Variants in CELSR1 observed in about 807,000 individuals in gnomAD.
CELSR1 encodes adhesion G protein-coupled receptor C1.
A neutral mutation model predicts 249.1 loss-of-function variants in CELSR1; 110 were observed. The observed-to-expected ratio is 0.44, with a 90% confidence interval of 0.38 to 0.52. The LOEUF (loss-of-function observed/expected upper bound fraction) is 0.52. Ranked by LOEUF, CELSR1 falls within the 20% of genes least tolerant of loss-of-function variation. The pLI is 0.00. For synonymous variants in CELSR1, 2,113 were observed against 1,900.0 expected, an observed-to-expected ratio of 1.11 and a Z score of -2.92; for missense variants, 4,109 against 4,296.4, an observed-to-expected ratio of 0.96 and a Z score of 1.22.
In CELSR1 at chr22:46,362,912, G is replaced by A. The variant is rs2078721449; in HGVS notation, c.*311C>T. ...CAGTCTGGGGTCCCCTCTCAGTTCTGGCTTTGACTGCAGTCTTAGGACTCA... is the reference window on the plus strand; with the variant it reads ...CAGTCTGGGGTCCCCTCTCAGTTCTAGCTTTGACTGCAGTCTTAGGACTCA... On this transcript the variant is annotated 3_prime_UTR_variant, in exon 35 of 35. Coordinates refer to ENST00000674500, the MANE Select transcript of CELSR1 (RefSeq NM_001378328.1). 2.0e-6 allele frequency: 1 copy of A among 505,900 alleles called. No homozygotes were observed. Among genetic ancestry groups the A allele is most frequent in the African/African-American group, 1.9e-5 (1 of 52,278 alleles). 31.3% of individuals were successfully genotyped at this position (505,900 alleles called of 1,614,324 possible). A position where few individuals can be genotyped will look rare whatever the true frequency, so the allele number is the denominator to read the frequency against.
At chr22:46,489,352 C>G (rs2080345941) in intron 1 of CELSR1, among the ~76,000 whole-genome samples, 1 of 151,836 alleles carries the variant, frequency 6.6e-6, no homozygotes, top group Non-Finnish European at 1.5e-5. Flanking sequence ...GGCCTTCCCA[C>G]CCTCCTGTCC....
intron 1 of CELSR1, among the ~76,000 whole-genome samples, chr22:46,511,919 T>G (rs1319372280): frequency 6.6e-6 from 1 of 152,096 alleles, no homozygotes; most frequent in African/African-American, 2.4e-5. Flanking sequence ...TCCCAGGCAC[T>G]AGGTAAGAGC....
In CELSR1 at chr22:46,434,245, T is replaced by C. The variant is rs2079631443; in HGVS notation, c.4523-764A>G. ...TCTCTTGTGCATCTCTGCTTTGGGG[T>C]GTCTGTCATTTCCACCCCTTGAGCT... On this transcript the variant is annotated intron_variant, in intron 4 of 34. Coordinates refer to ENST00000674500, the MANE Select transcript of CELSR1 (RefSeq NM_001378328.1). This position sits in a 1 kb window ranked among gnomAD's most constrained non-coding sequence, Gnocchi z 4.9. 6.6e-6 allele frequency among the ~76,000 whole-genome samples: 1 copy of C among 152,148 alleles called. No individual in the cohort carries two copies. The highest frequency in any genetic ancestry group is 2.4e-5 in the African/African-American group (1 of 41,424).
intron 32 of CELSR1, among the ~76,000 whole-genome samples, 180 bp from the exon 33 acceptor site, chr22:46,364,916 T>G (rs1365750107): frequency 6.6e-6 from 1 of 152,196 alleles, no homozygotes; most frequent in Non-Finnish European, 1.5e-5. Context: ...AGGGCCCTTG[T>G]TGGGAGCCCC....
intron 32 of CELSR1, 45 bp from the exon 33 acceptor site, chr22:46,364,781 C>G: frequency 1.9e-6 from 3 of 1,559,774 alleles, no homozygotes; most frequent in East Asian, 4.5e-5. Context: ...CACTGCCACT[C>G]GAGCTGCTCC....
chr22:46,486,130 G>T (rs1251469192), intron 1 of CELSR1, among the ~76,000 whole-genome samples: 1 of 151,460 alleles, frequency 6.6e-6, no homozygotes, highest in Non-Finnish European at 1.5e-5. Flanking sequence ...TAGTAGAGAC[G>T]GGGTTTCACC....
rs756320461 is a variant in CELSR1, at chr22:46,445,829, G to T, written c.4184-6418C>A. 6.6e-6 allele frequency among the ~76,000 whole-genome samples: 1 copy of T among 152,168 alleles called. No individual in the cohort carries two copies. The highest frequency in any genetic ancestry group is 1.5e-5 in the Non-Finnish European group (1 of 68,026). On this transcript the variant is annotated intron_variant, in intron 2 of 34. Transcript: ENST00000674500. The surrounding 1 kb of genome is among the most constrained non-coding windows in gnomAD (Gnocchi z 4.4). ...TCCCCGGGTGCTGTTCTCCCTGCTT[G>T]CAGGAGATGCTGCTCCTGGCCTTTG...
chr22:46,496,626 AAT>A (rs2080416733), intron 1 of CELSR1, among the ~76,000 whole-genome samples: 1 of 78,630 alleles, frequency 1.3e-5, no homozygotes, highest in Admixed American at 1.6e-4. Flanking sequence ...TTTATCTATT[AAT>A]TTTTTTTTTT....
At position 46,406,901 on chromosome 22, in the gene CELSR1, G is replaced by A. The variant is rs377318528; in HGVS notation, c.5226+2095C>T. On this transcript the variant is annotated intron_variant, in intron 9 of 34. Coordinates refer to ENST00000674500, the MANE Select transcript of CELSR1 (RefSeq NM_001378328.1). The surrounding 1 kb of genome is among the most constrained non-coding windows in gnomAD (Gnocchi z 5.4). Reference sequence around the variant, plus strand: ...CAGCAAAAGAAGCCCAGAGCCCAACGGAGCAAAGGCAATAAGGCATGGCTC... The same window carrying A: ...CAGCAAAAGAAGCCCAGAGCCCAACAGAGCAAAGGCAATAAGGCATGGCTC... Among the ~76,000 whole-genome samples, 35 of 152,290 alleles carry A rather than the reference G, an allele frequency of 2.3e-4. No homozygotes were observed. Among genetic ancestry groups the A allele is most frequent in the African/African-American group, 5.8e-4 (24 of 41,552 alleles).
chr22:46,461,218 G>A (rs969884526), intron 2 of CELSR1, among the ~76,000 whole-genome samples: 1 of 152,216 alleles, frequency 6.6e-6, no homozygotes, highest in Non-Finnish European at 1.5e-5. Context: ...CCTTATCTCC[G>A]AGGGAAATAC....
chr22:46,494,351 A>AT (rs1336047296), intron 1 of CELSR1, among the ~76,000 whole-genome samples: 1 of 152,080 alleles, frequency 6.6e-6, no homozygotes, highest in Non-Finnish European at 1.5e-5. Flanking sequence ...CAGATTGTCA[A>AT]TTTTTTTCAA....
At chr22:46,515,059 C>T (rs1286911081) in intron 1 of CELSR1, among the ~76,000 whole-genome samples, 1 of 152,206 alleles carries the variant, frequency 6.6e-6, no homozygotes, top group Non-Finnish European at 1.5e-5. Context: ...ACCCCCTCAG[C>T]TTCAGCCTGG....
chr22:46,456,837 C>G (rs2079960335), intron 2 of CELSR1, among the ~76,000 whole-genome samples: 1 of 147,602 alleles, frequency 6.8e-6, no homozygotes, highest in Admixed American at 6.9e-5. Context: ...TGAACCTACA[C>G]AGATTGTCCT....
intron 2 of CELSR1, among the ~76,000 whole-genome samples, chr22:46,457,582 T>C (rs1315249539): frequency 6.6e-6 from 1 of 152,118 alleles, no homozygotes. Context: ...CACTCAGGAA[T>C]GCGCCCCATG....
chr22:46,377,985 G>C (rs1032829978), intron 23 of CELSR1, among the ~76,000 whole-genome samples: 12 of 152,324 alleles, frequency 7.9e-5, no homozygotes, highest in African/African-American at 2.9e-4. Flanking sequence ...GTCCCACACA[G>C]GCCATGGCCA....
intron 2 of CELSR1, among the ~76,000 whole-genome samples, chr22:46,452,864 C>T (rs188534473): frequency 6.2e-4 from 95 of 152,348 alleles, no homozygotes; most frequent in African/African-American, 2.1e-3. Context: ...GTCGGGCAGG[C>T]GGGGCTCCCC....
chr22:46,408,984 G>A lies in CELSR1; in HGVS notation c.5226+12C>T. On this transcript the variant is annotated intron_variant, in intron 9 of 34. Transcript: ENST00000674500. This position sits in a 1 kb window ranked among gnomAD's most constrained non-coding sequence, Gnocchi z 4.6. ...CCTAGCAGGTGCCTTGGTGGCACGG[G>A]GCCCCAGTCACCTGGAGGCGAAAGC... The A allele has an allele frequency of 3.1e-6, 5 of 1,596,598 alleles. No individual in the cohort carries two copies. Among genetic ancestry groups the A allele is most frequent in the South Asian group, 1.1e-5 (1 of 88,706 alleles).
chr22:46,451,189 C>T (rs2079879931), intron 2 of CELSR1, among the ~76,000 whole-genome samples: 1 of 152,174 alleles, frequency 6.6e-6, no homozygotes, highest in Admixed American at 6.5e-5. Flanking sequence ...GTCACACCTA[C>T]AGGCGGCCCA....
chr22:46,376,920 T>C lies in CELSR1; in HGVS notation c.7584+141A>G, dbSNP rs576696112. On this transcript the variant is annotated intron_variant, in intron 24 of 34. Transcript: ENST00000674500. ...CACCCACAGCCTGTGACCAGGCACG[T>C]TCCTGAAAGGGCATCTGTGAAGCAG... 6 of 831,884 alleles carry C rather than the reference T, an allele frequency of 7.2e-6. No homozygotes were observed. In the East Asian group the frequency reaches 1.3e-4, roughly 19 times the overall value. 51.5% of individuals were successfully genotyped at this position (831,884 alleles called of 1,614,324 possible).
Sources: allele counts gnomAD v4.1 joint callset (sites outside exome capture counted in the v4.1 genomes callset), GRCh38; gene constraint gnomAD v4.1.1; non-coding constraint Gnocchi (gnomAD v3.1); transcripts MANE v1.5; gene names NCBI Gene and HGNC (gene_info 2026-07-23, HGNC 2026-07-21).